The following PIK3R4 variants were observed in gnomAD, a reference collection of about 807,000 sequenced individuals.
PIK3R4 encodes the protein phosphoinositide 3-kinase regulatory subunit 4.
PIK3R4 carries 46 observed loss-of-function variants against 136.5 expected under a neutral mutation model. The observed-to-expected ratio is 0.34, with a 90% CI of 0.27 to 0.43. The LOEUF (loss-of-function observed/expected upper bound fraction) is 0.43, where lower values mean the gene tolerates loss of function less well. Ranked by LOEUF, PIK3R4 falls within the 20% of genes least tolerant of loss-of-function variation. The probability of loss-of-function intolerance (pLI) is 1.00; values close to 1 mark genes in which losing one functional copy is unlikely to be tolerated. For synonymous variants in PIK3R4, 557 were observed against 566.7 expected (o/e 0.98, Z 0.24); for missense variants, 1,331 against 1,649.5 (o/e 0.81, Z 3.35).
chr3:130,686,341 G>C lies in PIK3R4; in HGVS notation c.3345C>G (p.Ala1115=), dbSNP rs1233578461. The change falls in exon 15 of 20, where the codon GCC becomes GCG. Residue 1115 remains alanine, a synonymous_variant. Transcript: ENST00000356763. The stretch of plus-strand genomic sequence containing the variant: ...AGCCAACCAGAGAGCCATTCACAGT[G>C]GCATAGGCAAGAACAGACTGTGCTC... The part of the protein sequence containing the change: ...NSGAQSVLAY[A]TVNGSLVGWD... 6.2e-7 allele frequency: 1 copy of C among 1,613,032 alleles called. No homozygotes were observed.
At chr3:130,717,692 T>C (rs2066673455) in intron 8 of PIK3R4, among the ~76,000 whole-genome samples, 1 of 152,124 alleles carries the variant, frequency 6.6e-6, no homozygotes. Flanking sequence ...AATACAAAAG[T>C]GGGAGAAAGC....
chr3:130,692,720 C>T (rs1242674127), intron 13 of PIK3R4, among the ~76,000 whole-genome samples: 1 of 152,212 alleles, frequency 6.6e-6, no homozygotes, highest in Non-Finnish European at 1.5e-5. Flanking sequence ...AGGGGCCCCA[C>T]AGGGGCCCAA....
intron 7 of PIK3R4, among the ~76,000 whole-genome samples, chr3:130,720,730 G>A (rs2066694851): frequency 6.6e-6 from 1 of 152,126 alleles, no homozygotes; most frequent in Non-Finnish European, 1.5e-5. Flanking sequence ...AGGAATCCAG[G>A]TGAGAGATTA....
At chr3:130,697,244 T>C (rs1281561964) in intron 13 of PIK3R4, among the ~76,000 whole-genome samples, 1 of 151,972 alleles carries the variant, frequency 6.6e-6, no homozygotes, top group African/African-American at 2.4e-5. Context: ...AAAATTTTTT[T>C]GTATTTTTAG....
chr3:130,740,017 C>T (rs1029381407), intron 2 of PIK3R4, among the ~76,000 whole-genome samples: 5 of 152,126 alleles, frequency 3.3e-5, no homozygotes, highest in African/African-American at 1.2e-4. Context: ...CAGTAATGCA[C>T]CTATGGCAAC....
chr3:130,697,513 C>T (rs1044496417), intron 13 of PIK3R4, among the ~76,000 whole-genome samples: 1 of 152,186 alleles, frequency 6.6e-6, no homozygotes, highest in Admixed American at 6.5e-5. Context: ...TCTACCAACT[C>T]TGCCTTGTGA....
intron 7 of PIK3R4, among the ~76,000 whole-genome samples, chr3:130,719,528 T>C (rs1435501723): frequency 1.3e-5 from 2 of 152,106 alleles, no homozygotes; most frequent in East Asian, 1.9e-4. Flanking sequence ...ATGAAGAAGA[T>C]TTTGTTTATT....
intron 9 of PIK3R4, among the ~76,000 whole-genome samples, chr3:130,713,416 A>T (rs1202748891): frequency 6.6e-6 from 1 of 152,110 alleles, no homozygotes; most frequent in Non-Finnish European, 1.5e-5. Flanking sequence ...CGGGTCAGGG[A>T]GTTTTAGTGA....
chr3:130,681,734 TA>T, intron 16 of PIK3R4, 143 bp from the exon 17 acceptor site: 1 of 568,982 alleles, frequency 1.8e-6, no homozygotes, highest in East Asian at 3.0e-5. Context: ...ATTCACTTAA[TA>T]ATATTTACTG....
chr3:130,697,673 A>C (rs1287587077), intron 13 of PIK3R4, among the ~76,000 whole-genome samples: 3 of 152,246 alleles, frequency 2.0e-5, no homozygotes, highest in Non-Finnish European at 4.4e-5. Context: ...TGTCATACAA[A>C]TTACATATCT....
chr3:130,690,653 A>T lies in PIK3R4; in HGVS notation c.3100T>A (p.Ser1034Thr). Residue 1034 changes from serine to threonine, a missense_variant and splice_region_variant, in exon 14 of 20, where the codon TCT becomes ACT. By Grantham distance (58) the Ser-to-Thr change is moderately conservative. This residue lies in a region of PIK3R4 where 1,180 missense variants were observed against 1,407.0 expected (regional missense o/e 0.84). Coordinates refer to ENST00000356763, the MANE Select transcript of PIK3R4 (RefSeq NM_014602.3). ...CCAATTCGGCTGTATGTAAGAATAGATCTGAATGAAAGAAAAATAAAATTC... is the reference window on the plus strand; with the variant it reads ...CCAATTCGGCTGTATGTAAGAATAGTTCTGAATGAAAGAAAAATAAAATTC... ...KMEGKTTTTR[S>T]ILTYSRIGGR... 6.3e-7 allele frequency: 1 copy of T among 1,583,446 alleles called. No homozygotes were observed. Among genetic ancestry groups the T allele is most frequent in the South Asian group, 1.1e-5 (1 of 87,560 alleles).
At chr3:130,694,732 A>G (rs1016108231) in intron 13 of PIK3R4, among the ~76,000 whole-genome samples, 6 of 152,112 alleles carry the variant, frequency 3.9e-5, no homozygotes, top group Admixed American at 3.9e-4. Flanking sequence ...CTACTAACAG[A>G]AAGTTTTACT....
intron 13 of PIK3R4, 80 bp downstream of exon 13, chr3:130,703,643 G>A: frequency 3.9e-6 from 4 of 1,038,390 alleles, no homozygotes; most frequent in Non-Finnish European, 5.8e-6. Flanking sequence ...ACCCAAAACA[G>A]TGGTTATTAT....
Position 130,706,983 on chromosome 3 carries a change from C to T in PIK3R4, c.2686G>A (p.Ala896Thr), listed in dbSNP as rs970480922. The T allele has an allele frequency of 5.0e-6, 8 of 1,611,836 alleles. No individual in the cohort carries two copies. In the African/African-American group the frequency reaches 8.0e-5, roughly 16 times the overall value. ...TGKPPRSESSAGICVPLSTSS... is the reference protein window; with the variant it reads ...TGKPPRSESSTGICVPLSTSS... ...GTTGACAAAGGGACACAAATGCCAG[C>T]AGAGGACTCGGAACGAGGAGGTTTC... The change falls in exon 11 of 20, where the codon GCT becomes ACT. Residue 896 changes from alanine to threonine, a missense_variant. This residue lies in a region of PIK3R4 where 1,180 missense variants were observed against 1,407.0 expected (regional missense o/e 0.84). Coordinates refer to ENST00000356763, the MANE Select transcript of PIK3R4 (RefSeq NM_014602.3).
rs761097773 is a variant in PIK3R4 at position 130,723,405 on chromosome 3, G to C, written c.1981+9C>G. 25 of 1,593,432 alleles carry C rather than the reference G, an allele frequency of 1.6e-5. No homozygotes were observed. The East Asian group carries it at 5.4e-4, about 34-fold the overall frequency. On this transcript the variant is annotated intron_variant, in intron 7 of 19. Coordinates refer to ENST00000356763, the MANE Select transcript of PIK3R4 (RefSeq NM_014602.3). ...AATCTCATTCTAATTTTGAGAAACAGAAACTTACCAATATCACTGGCAAAT... is the reference window on the plus strand; with the variant it reads ...AATCTCATTCTAATTTTGAGAAACACAAACTTACCAATATCACTGGCAAAT...
chr3:130,679,332 C>A lies in PIK3R4; in HGVS notation c.4060G>T (p.Val1354Leu). 3 of 1,604,962 alleles carry A rather than the reference C, an allele frequency of 1.9e-6. No individual in the cohort carries two copies. The highest frequency in any genetic ancestry group is 2.6e-6 in the Non-Finnish European group (3 of 1,174,588). The stretch of plus-strand genomic sequence containing the variant: ...AGTAGGTTTTATTTCCACACCTTCA[C>A]AATCCCATCTCTAGAAGCAGTTACG... ...FIVTASRDGI[V>L]KVWK The change falls in exon 20 of 20, where the codon GTG becomes TTG. Residue 1354 changes from valine to leucine, a missense_variant. Val to Leu is a conservative substitution (Grantham distance 32). Around this residue, in one of 2 missense-constraint regions of PIK3R4, gnomAD observed 1,180 missense variants for 1,407.0 expected, o/e 0.84. Transcript: ENST00000356763.
At chr3:130,719,528 TTTTG>T (rs1001724951) in intron 7 of PIK3R4, among the ~76,000 whole-genome samples, 2 of 152,106 alleles carry the variant, frequency 1.3e-5, no homozygotes, top group Non-Finnish European at 1.5e-5. Flanking sequence ...ATGAAGAAGA[TTTTG>T]TTTATTTCAT....
At chr3:130,689,215 T>C (rs114974293) in intron 14 of PIK3R4, among the ~76,000 whole-genome samples, 2 of 152,334 alleles carry the variant, frequency 1.3e-5, no homozygotes, top group African/African-American at 4.8e-5. Context: ...TAGGTAGTTA[T>C]CTAGTGTTTG....
chr3:130,729,499 ATTTAAC>A (rs1436050529), intron 5 of PIK3R4, among the ~76,000 whole-genome samples: 1 of 152,158 alleles, frequency 6.6e-6, no homozygotes, highest in African/African-American at 2.4e-5. Flanking sequence ...AAATTTTACC[ATTTAAC>A]TTTATTATCT....
Sources: gnomAD v4.1 joint callset for allele counts (sites outside exome capture counted in the v4.1 genomes callset) on GRCh38, gnomAD v4.1.1 for gene constraint, gnomAD v4.1.1 regional missense constraint, MANE v1.5 for transcripts, NCBI Gene and HGNC (gene_info 2026-07-23, HGNC 2026-07-21) for gene names.